Variants in LOC128462377 observed in about 807,000 individuals in gnomAD.
At chr16:89,367,752 G>A in the LOC128462377 span, among the ~76,000 whole-genome samples, 1 of 152,178 alleles carries the variant, frequency 6.6e-6, no homozygotes, top group African/African-American at 2.4e-5. Flanking sequence ...ACCCCCAGCG[G>A]CTGCATGTCC....
the LOC128462377 span, among the ~76,000 whole-genome samples, chr16:89,391,131 A>G: frequency 2.0e-5 from 3 of 151,788 alleles, no homozygotes; most frequent in Admixed American, 6.6e-5. Flanking sequence ...GGGAGGCTGA[A>G]GCAGGAGAAT....
At chr16:89,368,202 CTT>C in the LOC128462377 span, among the ~76,000 whole-genome samples, 2 of 144,632 alleles carry the variant, frequency 1.4e-5, no homozygotes, top group African/African-American at 2.5e-5. Flanking sequence ...TGTTTTCGAG[CTT>C]TTTTTTTTTG....
At chr16:89,342,164 G>C in the LOC128462377 span, among the ~76,000 whole-genome samples, 1 of 152,256 alleles carries the variant, frequency 6.6e-6, no homozygotes, top group Non-Finnish European at 1.5e-5. Flanking sequence ...CTTGGCGTCT[G>C]GGCCTCAAAG....
At chr16:89,382,310 G>A in the LOC128462377 span, among the ~76,000 whole-genome samples, 121 of 145,610 alleles carry the variant, frequency 8.3e-4, no homozygotes, top group African/African-American at 2.9e-3. Context: ...CCAGGCACCC[G>A]AAGTCTAGAA....
At chr16:89,371,279 C>T in the LOC128462377 span, among the ~76,000 whole-genome samples, 30 of 152,166 alleles carry the variant, frequency 2.0e-4, no homozygotes, top group Non-Finnish European at 4.1e-4. Flanking sequence ...CAGCATGACA[C>T]CACTAGGCAA....
At chr16:89,371,089 C>T in the LOC128462377 span, among the ~76,000 whole-genome samples, 33 of 152,278 alleles carry the variant, frequency 2.2e-4, no homozygotes, top group South Asian at 4.1e-3. Flanking sequence ...TTCAACTGCG[C>T]GCTCGCTTAC....
chr16:89,415,443 TTTAGTA>T, the LOC128462377 span, among the ~76,000 whole-genome samples: 1 of 150,660 alleles, frequency 6.6e-6, no homozygotes, highest in South Asian at 2.1e-4. Context: ...TTTTTGTATT[TTTAGTA>T]GAGACGGGGT....
the LOC128462377 span, among the ~76,000 whole-genome samples, chr16:89,352,410 G>A: frequency 7.9e-5 from 12 of 151,186 alleles, no homozygotes; most frequent in Non-Finnish European, 1.5e-4. Flanking sequence ...CCACAGTGAC[G>A]CCCTCCTGCT....
chr16:89,331,006 T>A, the LOC128462377 span, among the ~76,000 whole-genome samples: 1 of 152,186 alleles, frequency 6.6e-6, no homozygotes, highest in Non-Finnish European at 1.5e-5. Flanking sequence ...CAGGCTGGAG[T>A]GCAATGGTGC....
chr16:89,409,932 C>T, the LOC128462377 span, among the ~76,000 whole-genome samples: 4 of 152,098 alleles, frequency 2.6e-5, no homozygotes, highest in South Asian at 2.1e-4. Context: ...CTCCGCCTCC[C>T]GGGTTCACGC....
the LOC128462377 span, among the ~76,000 whole-genome samples, chr16:89,357,570 C>T: frequency 1.3e-5 from 2 of 152,218 alleles, no homozygotes; most frequent in Non-Finnish European, 2.9e-5. Context: ...AGTTGTACTT[C>T]GACGTTCACA....
At chr16:89,331,866 C>T in the LOC128462377 span, among the ~76,000 whole-genome samples, 1 of 150,870 alleles carries the variant, frequency 6.6e-6, no homozygotes, top group Admixed American at 6.6e-5. Flanking sequence ...GGTGTGGACT[C>T]GGGTTTGGTT....
chr16:89,342,274 G>A, the LOC128462377 span, among the ~76,000 whole-genome samples: 3 of 152,258 alleles, frequency 2.0e-5, no homozygotes, highest in African/African-American at 7.2e-5. Context: ...AAGAGCTGCT[G>A]GTGAATGAGA....
the LOC128462377 span, among the ~76,000 whole-genome samples, chr16:89,352,052 C>T: frequency 4.6e-5 from 7 of 152,146 alleles, no homozygotes; most frequent in African/African-American, 1.7e-4. Context: ...GCACAAGCCA[C>T]CAGGCCCAGG....
chr16:89,329,208 C>T, the LOC128462377 span, among the ~76,000 whole-genome samples: 1 of 152,190 alleles, frequency 6.6e-6, no homozygotes, highest in South Asian at 2.1e-4. Context: ...TCATGTCTGT[C>T]GGTGGCTGTC....
At chr16:89,337,319 G>A in the LOC128462377 span, among the ~76,000 whole-genome samples, 2 of 151,538 alleles carry the variant, frequency 1.3e-5, no homozygotes, top group East Asian at 1.9e-4. Context: ...CCTCCGCCAC[G>A]TGACCAAGCC....
the LOC128462377 span, among the ~76,000 whole-genome samples, chr16:89,327,835 T>C: frequency 6.6e-6 from 1 of 151,652 alleles, no homozygotes; most frequent in African/African-American, 2.4e-5. Context: ...GGGCCAAGAG[T>C]TGTCAGACAT....
chr16:89,337,426 A>ATTATTTTTTT, the LOC128462377 span, among the ~76,000 whole-genome samples: 1 of 43,770 alleles, frequency 2.3e-5, no homozygotes, highest in South Asian at 1.1e-3. Flanking sequence ...GGTCTAAGCA[A>ATTATTTTTTT]TTCTTTTTTT....
chr16:89,378,631 CTT>C, the LOC128462377 span, among the ~76,000 whole-genome samples: 1 of 152,202 alleles, frequency 6.6e-6, no homozygotes, highest in Non-Finnish European at 1.5e-5. Flanking sequence ...AGTAGCTTCT[CTT>C]GTTTGAAGAC....
Sources: allele counts gnomAD v4.1 joint callset (sites outside exome capture counted in the v4.1 genomes callset), GRCh38; gene constraint gnomAD v4.1.1; transcripts MANE v1.5.